Variants in ZNF17 observed in about 807,000 individuals in gnomAD.
ZNF17 encodes the protein zinc finger protein 17.
A neutral mutation model predicts 7.7 loss-of-function variants in ZNF17; 4 were observed. The observed-to-expected ratio is 0.52, with a 90% CI of 0.26 to 1.20. The LOEUF is 1.20. Ranked by LOEUF, ZNF17 falls within the 50% of genes most tolerant of loss-of-function variation. The pLI is 0.14. For missense variants in ZNF17, 738 were observed against 799.5 expected, an observed-to-expected ratio of 0.92 and a Z score of 0.93; for synonymous variants, 249 against 258.8, an observed-to-expected ratio of 0.96 and a Z score of 0.36.
chr19:57,421,031 T>G lies in ZNF17; in HGVS notation c.1545T>G (p.Leu515=). 1 of 1,613,446 alleles carries G rather than the reference T, an allele frequency of 6.2e-7. No homozygotes were observed. The highest frequency in any genetic ancestry group is 1.1e-5 in the South Asian group (1 of 91,034). ...CGKSFRCRST[L]DTHQRIHTGE... ...AATCCTTTAGATGTCGCTCCACACTTGATACACATCAGAGAATTCACACTG... is the reference window on the plus strand; with the variant it reads ...AATCCTTTAGATGTCGCTCCACACTGGATACACATCAGAGAATTCACACTG... Residue 515 remains leucine (L), a synonymous_variant, in exon 4 of 4, where the codon CTT becomes CTG. Transcript: ENST00000307658.
chr19:57,421,381 G>C lies in ZNF17; in HGVS notation c.1895G>C (p.Arg632Thr). Residue 632 changes from arginine (R) to threonine (T), a missense_variant, in exon 4 of 4, where the codon AGA becomes ACA. Coordinates refer to ENST00000307658, the MANE Select transcript of ZNF17 (RefSeq NM_001330617.2). ...AACTCCAGCCTCATTAAACATCGGA[G>C]AATTCACACTGGAGAGAGACCTTAT... Reference protein sequence around the residue: ...RYNSSLIKHRRIHTGERPYQC... With the variant: ...RYNSSLIKHRTIHTGERPYQC... 1 of 1,614,146 alleles carries C rather than the reference G, an allele frequency of 6.2e-7. No individual in the cohort carries two copies. Among genetic ancestry groups the C allele is most frequent in the East Asian group, 2.2e-5 (1 of 44,878 alleles).
Position 57,420,630 on chromosome 19 carries a change from C to G in ZNF17, c.1144C>G (p.His382Asp), listed in dbSNP as rs1568539354. The part of the protein sequence containing the change: ...SCTLIIHQRV[H>D]TGEKPYECNE... ...CACACTCATTATTCACCAGAGAGTT[C>G]ATACTGGAGAAAAACCTTATGAATG... The change falls in exon 4 of 4, where the codon CAT becomes GAT. Residue 382 changes from histidine (H) to aspartate (D), a missense_variant. Physicochemically the swap from His to Asp is moderately conservative, Grantham distance 81. Transcript: ENST00000307658. 1 of 1,613,400 alleles carries G rather than the reference C, an allele frequency of 6.2e-7. No individual in the cohort carries two copies. Among genetic ancestry groups the G allele is most frequent in the Non-Finnish European group, 8.5e-7 (1 of 1,179,450 alleles).
chr19:57,419,730 A>T lies in ZNF17; in HGVS notation c.244A>T (p.Thr82Ser), dbSNP rs780107581. 8.1e-6 allele frequency: 13 copies of T among 1,614,116 alleles called. No individual in the cohort carries two copies. The highest frequency in any genetic ancestry group is 8.5e-7 in the Non-Finnish European group (1 of 1,180,018). The change falls in exon 4 of 4, where the codon ACC becomes TCC. Residue 82 changes from threonine to serine, a missense_variant. Around this residue, in one of 3 missense-constraint regions of ZNF17, gnomAD observed 616 missense variants for 663.9 expected, o/e 0.93. Transcript: ENST00000307658. Reference protein sequence around the residue: ...QVTTLKPALSTQKAQPCETCS... With the variant: ...QVTTLKPALSSQKAQPCETCS... ...CACAACTTTAAAGCCAGCTTTGTCC[A>T]CCCAGAAGGCCCAGCCCTGTGAGAC...
At chr19:57,412,155 G>C (rs966652183) in intron 1 of ZNF17, among the ~76,000 whole-genome samples, 1 of 152,182 alleles carries the variant, frequency 6.6e-6, no homozygotes, top group Non-Finnish European at 1.5e-5. Context: ...GTTCTGAATG[G>C]GTTAAGGAAC....
Position 57,421,461 on chromosome 19 carries a change from C to A in ZNF17, c.1975C>A (p.Gln659Lys). 6.2e-7 allele frequency: 1 copy of A among 1,607,842 alleles called. No individual in the cohort carries two copies. The highest frequency in any genetic ancestry group is 8.5e-7 in the Non-Finnish European group (1 of 1,176,630). The part of the protein sequence containing the change: ...FNQNSHLIQH[Q>K]KVHTR ...CCAAAATTCTCATCTCATTCAGCAC[C>A]AGAAAGTTCACACCAGATAAAGAAT... The change falls in exon 4 of 4, where the codon CAG becomes AAG. Residue 659 changes from glutamine (Q) to lysine (K), a missense_variant. By Grantham distance (53) the Gln-to-Lys change is moderately conservative. Around this residue, in one of 3 missense-constraint regions of ZNF17, gnomAD observed 116 missense variants for 114.0 expected, o/e 1.02. Coordinates refer to ENST00000307658, the MANE Select transcript of ZNF17 (RefSeq NM_001330617.2).
In ZNF17 at chr19:57,411,805, A is replaced by G. The variant is rs144775625; in HGVS notation, c.-21+399A>G. On this transcript the variant is annotated intron_variant, in intron 1 of 3. Coordinates refer to ENST00000307658, the MANE Select transcript of ZNF17 (RefSeq NM_001330617.2). ...GACCGCTGAGGAGACCCCTTGAGTT[A>G]TGGTAGGGATGGGCCAGAGGGGTTG... is the stretch of plus-strand genomic sequence containing the variant. 5.6e-3 allele frequency among the ~76,000 whole-genome samples: 849 copies of G among 152,312 alleles called. 7 individuals are homozygous for G. Among genetic ancestry groups the G allele is most frequent in the African/African-American group, 0.019 (774 of 41,588 alleles).
intron 1 of ZNF17, chr19:57,411,728 A>C: frequency 8.4e-7 from 1 of 1,187,778 alleles, no homozygotes; most frequent in South Asian, 3.1e-5. Flanking sequence ...GGTTATGCCC[A>C]GAGGTAGACG....
chr19:57,415,814 G>A (rs1332084488), intron 2 of ZNF17, among the ~76,000 whole-genome samples: 3 of 152,108 alleles, frequency 2.0e-5, no homozygotes, highest in Admixed American at 6.6e-5. Context: ...GTCTGGGAGG[G>A]GCTTAGTACC....
intron 3 of ZNF17, 86 bp from the exon 4 acceptor site, chr19:57,419,549 T>C (rs894140141): frequency 3.6e-6 from 5 of 1,407,708 alleles, no homozygotes; most frequent in African/African-American, 2.9e-5. Context: ...ATGGTCTTAT[T>C]TGTGAGTTGG....
chr19:57,411,401 A>C lies in ZNF17; in HGVS notation c.-26A>C. The C allele has an allele frequency of 6.2e-7, 1 of 1,612,138 alleles. No homozygotes were observed. On this transcript the variant is annotated 5_prime_UTR_variant, in exon 1 of 4. Transcript: ENST00000307658. ...GGCGGAGGCTGCGCCGATGAACCTG[A>C]CTGAGGTGGGTGCCGCGTCCCAGGG...
At chr19:57,418,131 G>GCTGCATCCTCTCCTGGTTTC (rs1359650810) in intron 3 of ZNF17, 93 bp downstream of exon 3, 1 of 1,474,358 alleles carries the variant, frequency 6.8e-7, no homozygotes, top group Non-Finnish European at 9.2e-7. Flanking sequence ...GGTCATGGAT[G>GCTGCATCCTCTCCTGGTTTC]CTGCATCCTC....
Position 57,421,267 on chromosome 19 carries a change from T to C in ZNF17, c.1781T>C (p.Met594Thr), listed in dbSNP as rs1384092051. The C allele has an allele frequency of 6.2e-7, 1 of 1,613,942 alleles. No homozygotes were observed. Among genetic ancestry groups the C allele is most frequent in the South Asian group, 1.1e-5 (1 of 91,066 alleles). Residue 594 changes from methionine (M) to threonine (T), a missense_variant, in exon 4 of 4, where the codon ATG becomes ACG. Met to Thr is a moderately conservative substitution (Grantham distance 81, BLOSUM62 -1). Transcript: ENST00000307658. Reference sequence around the variant, plus strand: ...TGCAGCAAATGTGGGAAATTTTTTATGGACAGCTCCACACTCATTAGTCAT... The same window carrying C: ...TGCAGCAAATGTGGGAAATTTTTTACGGACAGCTCCACACTCATTAGTCAT... ...YKCSKCGKFFMDSSTLISHER... is the reference protein window; with the variant it reads ...YKCSKCGKFFTDSSTLISHER...
Position 57,411,370 on chromosome 19 carries a change from T to C in ZNF17, c.-57T>C. The C allele has an allele frequency of 6.2e-7, 1 of 1,612,644 alleles. No individual in the cohort carries two copies. Among genetic ancestry groups the C allele is most frequent in the Non-Finnish European group, 8.5e-7 (1 of 1,179,400 alleles). On this transcript the variant is annotated 5_prime_UTR_variant, in exon 1 of 4. Coordinates refer to ENST00000307658, the MANE Select transcript of ZNF17 (RefSeq NM_001330617.2). ...CGCTCCCGCCCCGCTCTTCCCTGGC[T>C]GTGCTGGCGGAGGCTGCGCCGATGA...
chr19:57,417,404 GAGAA>G (rs2088817379), intron 2 of ZNF17, among the ~76,000 whole-genome samples: 1 of 152,136 alleles, frequency 6.6e-6, no homozygotes, highest in South Asian at 2.1e-4. Flanking sequence ...TTTAGGGCAG[GAGAA>G]AGAATCATGT....
rs201870623 is a variant in ZNF17 at position 57,421,344 on chromosome 19, G to A, written c.1858G>A (p.Val620Ile). ...KPYECSECGK[V>I]FRYNSSLIKH... is the part of the protein sequence containing the mutation. ...TTATGAGTGCAGTGAATGTGGGAAAGTCTTTAGATACAACTCCAGCCTCAT... is the reference window on the plus strand; with the variant it reads ...TTATGAGTGCAGTGAATGTGGGAAAATCTTTAGATACAACTCCAGCCTCAT... The change falls in exon 4 of 4, where the codon GTC (valine) becomes ATC (isoleucine). Residue 620 changes from valine to isoleucine, a missense_variant. Coordinates refer to ENST00000307658, the MANE Select transcript of ZNF17 (RefSeq NM_001330617.2). 650 of 1,613,964 alleles carry A rather than the reference G, an allele frequency of 4.0e-4. No individual in the cohort carries two copies. The highest frequency in any genetic ancestry group is 5.2e-4 in the Non-Finnish European group (613 of 1,180,008).
intron 2 of ZNF17, among the ~76,000 whole-genome samples, chr19:57,417,089 C>T (rs1417165098): frequency 6.6e-6 from 1 of 152,116 alleles, no homozygotes; most frequent in Non-Finnish European, 1.5e-5. Context: ...AAGCCAATGA[C>T]ATTGAAATAA....
chr19:57,420,527 C>T lies in ZNF17; in HGVS notation c.1041C>T (p.Leu347=), dbSNP rs1014726088. 2.1e-5 allele frequency: 34 copies of T among 1,612,998 alleles called. No individual in the cohort carries two copies. Among genetic ancestry groups the T allele is most frequent in the Non-Finnish European group, 2.9e-5 (34 of 1,179,824 alleles). The change falls in exon 4 of 4, where the codon CTC becomes CTT. Residue 347 remains leucine (L), a synonymous_variant. Coordinates refer to ENST00000307658, the MANE Select transcript of ZNF17 (RefSeq NM_001330617.2). Reference sequence around the variant, plus strand: ...AATACTTTATGTACAGTTCAGCACTCATTAGACATCAGAAAGTTCACACTG... The same window carrying T: ...AATACTTTATGTACAGTTCAGCACTTATTAGACATCAGAAAGTTCACACTG... ...CGKYFMYSSA[L]IRHQKVHTGE...
chr19:57,411,418 G>A lies in ZNF17; in HGVS notation c.-21+12G>A. On this transcript the variant is annotated intron_variant, in intron 1 of 3. Coordinates refer to ENST00000307658, the MANE Select transcript of ZNF17 (RefSeq NM_001330617.2). ...TGAACCTGACTGAGGTGGGTGCCGCGTCCCAGGGCGCCCCGCCCGATCCCT... is the reference window on the plus strand; with the variant it reads ...TGAACCTGACTGAGGTGGGTGCCGCATCCCAGGGCGCCCCGCCCGATCCCT... The A allele has an allele frequency of 6.2e-7, 1 of 1,610,430 alleles. No homozygotes were observed. The highest frequency in any genetic ancestry group is 8.5e-7 in the Non-Finnish European group (1 of 1,179,300).
chr19:57,419,655 G>A lies in ZNF17; in HGVS notation c.169G>A (p.Asp57Asn), dbSNP rs1402480922. 1.2e-6 allele frequency: 2 copies of A among 1,613,054 alleles called. No individual in the cohort carries two copies. The highest frequency in any genetic ancestry group is 3.3e-5 in the Admixed American group (2 of 59,996). Residue 57 changes from aspartate to asparagine, a missense_variant, in exon 4 of 4, where the codon GAT becomes AAT. Around this residue, in one of 3 missense-constraint regions of ZNF17, gnomAD observed 616 missense variants for 663.9 expected, o/e 0.93. Coordinates refer to ENST00000307658, the MANE Select transcript of ZNF17 (RefSeq NM_001330617.2). ...TTTAGGTTGTTGGCATGGAGCCAAG[G>A]ATGAGGAGGCACCTTCCAAGCAATG... The part of the protein sequence containing the change: ...SSVGCWHGAK[D>N]EEAPSKQCVS...
Sources: allele counts gnomAD v4.1 joint callset (sites outside exome capture counted in the v4.1 genomes callset), GRCh38; gene constraint gnomAD v4.1.1; regional missense constraint gnomAD v4.1.1; transcripts MANE v1.5; gene names NCBI Gene and HGNC (gene_info 2026-07-23, HGNC 2026-07-21).